The following PTCHD1 variants were observed in gnomAD, a reference collection of about 807,000 sequenced individuals.
The protein encoded by PTCHD1 is patched domain-containing protein 1.
Under a neutral mutation model 34.6 loss-of-function variants are expected in PTCHD1, and 3 were observed. That is an observed-to-expected ratio of 0.09 (90% confidence interval 0.04 to 0.22). The LOEUF (loss-of-function observed/expected upper bound fraction) is 0.22. PTCHD1 is among the 10% of genes least tolerant of loss of function. The probability of loss-of-function intolerance (pLI) is 1.00; values close to 1 mark genes in which losing one functional copy is unlikely to be tolerated. For synonymous variants in PTCHD1, 305 were observed against 283.1 expected (o/e 1.08, Z -0.77); for missense variants, 504 against 685.5 (o/e 0.74, Z 2.96).
In PTCHD1 at chrX:23,360,484, C is replaced by T. The variant is rs183850968; in HGVS notation, c.352-19107C>T. Among the ~76,000 whole-genome samples the T allele has an allele frequency of 5.5e-3, 609 of 111,583 alleles. 4 individuals carry two copies. The highest frequency in any genetic ancestry group is 0.051 in the Middle Eastern group (11 of 216). Reference sequence around the variant, plus strand: ...ATGGTAGTTTGTATTTTTGTGGGATCGGTGGTGATATCCCCTTTATCATTT... The same window carrying T: ...ATGGTAGTTTGTATTTTTGTGGGATTGGTGGTGATATCCCCTTTATCATTT... On this transcript the variant is annotated intron_variant, in intron 1 of 2. Transcript: ENST00000379361.
intron 1 of PTCHD1, among the ~76,000 whole-genome samples, chrX:23,355,146 C>A (rs1480559105): frequency 9.0e-6 from 1 of 110,875 alleles, no homozygotes; most frequent in African/African-American, 3.3e-5. Flanking sequence ...GCTTCCTCAG[C>A]ACTCAGTGCT....
rs763041195 is a variant in PTCHD1 at position 23,392,074 on chromosome X, C to CTTTTTTT, written c.1013-446_1013-440dup. Among the ~76,000 whole-genome samples, 48 of 52,329 alleles carry CTTTTTTT rather than the reference C, an allele frequency of 9.2e-4. 4 individuals are homozygous for CTTTTTTT. Among genetic ancestry groups the CTTTTTTT allele is most frequent in the African/African-American group, 4.7e-3 (37 of 7,954 alleles). The allele number at this position is 52,329 out of a possible 115,157, so 45.4% of individuals were successfully genotyped here. On this transcript the variant is annotated intron_variant, in intron 2 of 2. Transcript: ENST00000379361. ...TTCTTTCTTTTTTCTTTCTTTCTTT[C>CTTTTTTT]TTTTTTTTTTTTTTTTTGAGAGATG...
At chrX:23,345,835 A>G (rs190093265) in intron 1 of PTCHD1, among the ~76,000 whole-genome samples, 1 of 112,047 alleles carries the variant, frequency 8.9e-6, no homozygotes, top group Non-Finnish European at 1.9e-5. Context: ...ATTCTGAATG[A>G]TGCTATAATA....
At chrX:23,360,634 G>A (rs980402253) in intron 1 of PTCHD1, among the ~76,000 whole-genome samples, 15 of 111,100 alleles carry the variant, frequency 1.4e-4, no homozygotes, top group Admixed American at 6.7e-4. Context: ...AGGGTTTTTT[G>A]TGTCTCTATC....
chrX:23,348,746 G>A (rs1461682708), intron 1 of PTCHD1, among the ~76,000 whole-genome samples: 2 of 111,748 alleles, frequency 1.8e-5, no homozygotes, highest in South Asian at 3.8e-4. Context: ...GACAGAAACT[G>A]AATGAGTTCA....
chrX:23,380,496 G>A (rs1922533502), intron 2 of PTCHD1, among the ~76,000 whole-genome samples: 1 of 111,554 alleles, frequency 9.0e-6, no homozygotes, highest in African/African-American at 3.3e-5. Context: ...GCCATGTGGT[G>A]TCTAGCAGGT....
chrX:23,372,080 G>A (rs950651954), intron 1 of PTCHD1, among the ~76,000 whole-genome samples: 3 of 111,014 alleles, frequency 2.7e-5, no homozygotes, highest in South Asian at 7.8e-4. Context: ...TTGAATGGGG[G>A]CAGCAGAATA....
At chrX:23,365,028 TG>T (rs749784146) in intron 1 of PTCHD1, among the ~76,000 whole-genome samples, 1 of 111,966 alleles carries the variant, frequency 8.9e-6, no homozygotes, top group Non-Finnish European at 1.9e-5. Flanking sequence ...TCATCAGCAG[TG>T]TACCCTAGAC....
At chrX:23,362,041 C>T (rs924052921) in intron 1 of PTCHD1, among the ~76,000 whole-genome samples, 2 of 112,393 alleles carry the variant, frequency 1.8e-5, no homozygotes, top group Non-Finnish European at 3.8e-5. Context: ...ATAGGCTTCC[C>T]TTTGTGGGTA....
chrX:23,362,599 A>G (rs1361595635), intron 1 of PTCHD1, among the ~76,000 whole-genome samples: 1 of 111,982 alleles, frequency 8.9e-6, no homozygotes, highest in African/African-American at 3.2e-5. Context: ...AGAAGTTTGT[A>G]ATTACCGACC....
upstream of PTCHD1, chrX:23,334,787 TGCCGCC>T (rs879170954): frequency 3.7e-4 from 129 of 351,568 alleles, 1 homozygote; most frequent in African/African-American, 2.3e-3. Context: ...CGGGCGCCGC[TGCCGCC>T]GCCGCCGCCG....
intron 1 of PTCHD1, among the ~76,000 whole-genome samples, chrX:23,374,345 A>C (rs1390213333): frequency 3.7e-5 from 4 of 107,193 alleles, no homozygotes; most frequent in African/African-American, 3.4e-5. Context: ...AAGATCCTCT[A>C]AACCCACAGG....
At chrX:23,360,571 C>G (rs1773274497) in intron 1 of PTCHD1, among the ~76,000 whole-genome samples, 1 of 111,221 alleles carries the variant, frequency 9.0e-6, no homozygotes, top group Non-Finnish European at 1.9e-5. Context: ...AGTGGTCTAT[C>G]TATTTTGTTG....
intron 1 of PTCHD1, among the ~76,000 whole-genome samples, chrX:23,377,759 T>C (rs965543156): frequency 8.9e-6 from 1 of 111,955 alleles, no homozygotes; most frequent in South Asian, 3.8e-4. Context: ...ACTCATGCTC[T>C]GTGCTAATGA....
At chrX:23,342,810 C>G (rs759112964) in intron 1 of PTCHD1, among the ~76,000 whole-genome samples, 1 of 112,141 alleles carries the variant, frequency 8.9e-6, no homozygotes, top group South Asian at 3.8e-4. Flanking sequence ...CTTTAAGGAC[C>G]AGTTCACATG....
chrX:23,348,522 A>G (rs1182902753), intron 1 of PTCHD1, among the ~76,000 whole-genome samples: 1 of 111,694 alleles, frequency 9.0e-6, no homozygotes, highest in Non-Finnish European at 1.9e-5. Flanking sequence ...AAAACCAAAG[A>G]CAAAGAGGAA....
Position 23,375,382 on chromosome X carries a change from C to T in PTCHD1, c.352-4209C>T, listed in dbSNP as rs756423935. On this transcript the variant is annotated intron_variant, in intron 1 of 2. Transcript: ENST00000379361. The stretch of plus-strand genomic sequence containing the variant: ...TCCGCTCACTGCAAGCTCCGCCTTC[C>T]GGGTTCACGCCATTCTCCTGCCTCA... Among the ~76,000 whole-genome samples the T allele has an allele frequency of 2.1e-3, 227 of 109,085 alleles. 1 individual carries two copies. The highest frequency in any genetic ancestry group is 6.9e-3 in the African/African-American group (204 of 29,745). The allele number at this position is 109,085 out of a possible 115,157, so 94.7% of individuals were successfully genotyped here.
At chrX:23,374,404 C>T (rs767078789) in intron 1 of PTCHD1, among the ~76,000 whole-genome samples, 65 of 110,025 alleles carry the variant, frequency 5.9e-4, no homozygotes, top group African/African-American at 2.1e-3. Flanking sequence ...ATCCTTCCTC[C>T]CTTCTGTACT....
chrX:23,334,494 C>T (rs1332820304), upstream of PTCHD1: 1 of 109,325 alleles, frequency 9.1e-6, no homozygotes, highest in Non-Finnish European at 1.9e-5. Context: ...GCGGGGGCTG[C>T]CCCGGGCCCC....
Sources: allele counts gnomAD v4.1 joint callset (sites outside exome capture counted in the v4.1 genomes callset), GRCh38; gene constraint gnomAD v4.1.1; transcripts MANE v1.5; gene names NCBI Gene and HGNC (gene_info 2026-07-23, HGNC 2026-07-21).